ABCC4: variants seen among roughly 807,000 people sequenced by gnomAD.
ABCC4 encodes the protein ATP-binding cassette sub-family C member 4.
In ABCC4, 102 loss-of-function variants were observed where a neutral mutation model predicts 168.5. The observed-to-expected ratio is 0.61, with a 90% CI of 0.52 to 0.71. The LOEUF is 0.71. ABCC4 is among the 30% of genes least tolerant of loss of function. The pLI, the probability that ABCC4 is intolerant of heterozygous loss-of-function variation, is 0.00. For synonymous variants in ABCC4, 617 were observed against 590.7 expected (o/e 1.04, Z -0.65); for missense variants, 1,402 against 1,605.8 (o/e 0.87, Z 2.17).
chr13:95,068,531 AG>A (rs112582196), intron 25 of ABCC4, among the ~76,000 whole-genome samples: 56,628 of 152,022 alleles, frequency 0.37, 11,995 homozygotes, highest in South Asian at 0.63. Flanking sequence ...AGGCTGAGGC[AG>A]GAGAATCGCT....
intron 1 of ABCC4, among the ~76,000 whole-genome samples, chr13:95,282,691 T>C (rs1447160893): frequency 2.0e-5 from 3 of 151,796 alleles, no homozygotes; most frequent in South Asian, 2.1e-4. Context: ...CACGCCATCA[T>C]GCCTGGCTAA....
At chr13:95,113,377 ATAAC>A (rs1380945838) in intron 20 of ABCC4, among the ~76,000 whole-genome samples, 1 of 152,202 alleles carries the variant, frequency 6.6e-6, no homozygotes. Context: ...GATTGCTGTT[ATAAC>A]TAACAGGTTT....
At chr13:95,025,987 T>C (rs1469730691) in intron 30 of ABCC4, among the ~76,000 whole-genome samples, 1 of 151,518 alleles carries the variant, frequency 6.6e-6, no homozygotes, top group African/African-American at 2.4e-5. Flanking sequence ...GAGGCTGAGG[T>C]GGGAGGATCA....
chr13:95,259,336 C>T (rs1163488256), intron 1 of ABCC4, among the ~76,000 whole-genome samples: 1 of 150,346 alleles, frequency 6.7e-6, no homozygotes, highest in Non-Finnish European at 1.5e-5. Context: ...GCTGAGATCA[C>T]GCCATTGTAC....
chr13:95,139,392 C>T (rs2036242904), intron 19 of ABCC4, among the ~76,000 whole-genome samples: 1 of 152,144 alleles, frequency 6.6e-6, no homozygotes, highest in South Asian at 2.1e-4. Flanking sequence ...AAATTCAAAA[C>T]AAGAAGAATG....
At chr13:95,267,872 C>A (rs367554060) in intron 1 of ABCC4, among the ~76,000 whole-genome samples, 3 of 152,114 alleles carry the variant, frequency 2.0e-5, no homozygotes, top group East Asian at 1.9e-4. Flanking sequence ...ACCTCCAGGG[C>A]AGGGGGTACT....
chr13:95,150,277 T>C (rs1460665096), intron 19 of ABCC4, among the ~76,000 whole-genome samples: 1 of 152,168 alleles, frequency 6.6e-6, no homozygotes, highest in East Asian at 1.9e-4. Flanking sequence ...CATGACTGTA[T>C]TTGGAACACT....
intron 1 of ABCC4, among the ~76,000 whole-genome samples, chr13:95,289,406 C>T (rs2041336859): frequency 1.3e-5 from 2 of 152,202 alleles, no homozygotes; most frequent in African/African-American, 2.4e-5. Context: ...ACTCAGTTCC[C>T]AACTCCATCA....
chr13:95,214,830 G>A (rs1824912), intron 4 of ABCC4, among the ~76,000 whole-genome samples: 109,710 of 146,890 alleles, frequency 0.75, 41,710 homozygotes, highest in Non-Finnish European at 0.83. Context: ...AGGTTGCAGT[G>A]AGCCGAGATC....
chr13:95,213,465 T>C (rs1229193540), intron 4 of ABCC4, among the ~76,000 whole-genome samples: 2 of 152,106 alleles, frequency 1.3e-5, no homozygotes, highest in Non-Finnish European at 2.9e-5. Flanking sequence ...GCCCCAGAAG[T>C]TTCAGTAGGG....
intron 19 of ABCC4, among the ~76,000 whole-genome samples, chr13:95,127,005 T>C (rs1199766218): frequency 1.3e-5 from 2 of 151,778 alleles, no homozygotes; most frequent in African/African-American, 2.4e-5. Flanking sequence ...CTTATAATTC[T>C]ACCTAAGCTG....
chr13:95,049,934 C>T (rs1167246204), intron 27 of ABCC4, among the ~76,000 whole-genome samples: 1 of 152,186 alleles, frequency 6.6e-6, no homozygotes, highest in African/African-American at 2.4e-5. Context: ...TCCAGTTTGG[C>T]CTCATTTATA....
intron 19 of ABCC4, 75 bp from the exon 20 acceptor site, chr13:95,116,076 C>A (rs1052270669): frequency 9.1e-7 from 1 of 1,097,220 alleles, no homozygotes; most frequent in South Asian, 1.5e-5. Context: ...GCAAACAAAT[C>A]AAAACAATAT....
chr13:95,022,587 A>AT (rs1281682001), intron 30 of ABCC4, among the ~76,000 whole-genome samples: 5 of 152,014 alleles, frequency 3.3e-5, no homozygotes, highest in African/African-American at 7.3e-5. Flanking sequence ...TTCAAATGTA[A>AT]TTTTTTTTCC....
intron 1 of ABCC4, among the ~76,000 whole-genome samples, chr13:95,284,261 A>G (rs1221036292): frequency 6.6e-6 from 1 of 151,990 alleles, no homozygotes; most frequent in Non-Finnish European, 1.5e-5. Flanking sequence ...ATCATGTGTC[A>G]CTGCAGCCAC....
intron 19 of ABCC4, among the ~76,000 whole-genome samples, chr13:95,130,841 C>T (rs2035934295): frequency 6.6e-6 from 1 of 152,212 alleles, no homozygotes; most frequent in African/African-American, 2.4e-5. Flanking sequence ...ATCTTTGGGT[C>T]CCTTATCTTT....
At chr13:95,287,497 G>C (rs1177472785) in intron 1 of ABCC4, among the ~76,000 whole-genome samples, 1 of 151,542 alleles carries the variant, frequency 6.6e-6, no homozygotes, top group East Asian at 1.9e-4. Context: ...TGAGACAGCA[G>C]AATCGTTTGA....
chr13:95,097,261 A>G (rs958131222), intron 20 of ABCC4, among the ~76,000 whole-genome samples: 2 of 152,224 alleles, frequency 1.3e-5, no homozygotes, highest in Admixed American at 6.5e-5. Context: ...GGAAAAGAAC[A>G]TATGAGACTA....
At chr13:95,084,124 AC>A (rs1239708469) in intron 20 of ABCC4, among the ~76,000 whole-genome samples, 3 of 152,228 alleles carry the variant, frequency 2.0e-5, no homozygotes, top group Non-Finnish European at 4.4e-5. Flanking sequence ...TCCTTTGCTA[AC>A]ATTTACTGAA....
Sources: allele counts gnomAD v4.1 joint callset (sites outside exome capture counted in the v4.1 genomes callset), GRCh38; gene constraint gnomAD v4.1.1; transcripts MANE v1.5; gene names NCBI Gene and HGNC (gene_info 2026-07-23, HGNC 2026-07-21).